Variants in HAUS5 observed in about 807,000 individuals in gnomAD.
HAUS5 encodes HAUS augmin-like complex subunit 5.
In HAUS5, 67 loss-of-function variants were observed where a neutral mutation model predicts 94.1. The observed-to-expected ratio is 0.71, with a 90% CI of 0.58 to 0.87. HAUS5 has a LOEUF of 0.87. Ranked by LOEUF, HAUS5 falls within the 40% of genes least tolerant of loss-of-function variation. HAUS5 has a pLI of 0.00. For synonymous variants in HAUS5, 339 were observed against 355.4 expected (o/e 0.95, Z 0.52); for missense variants, 739 against 825.6 (o/e 0.90, Z 1.29).
In HAUS5 at chr19:35,613,864, G is replaced by A. The variant is rs749489176; in HGVS notation, c.162-4G>A. The A allele has an allele frequency of 5.0e-6, 8 of 1,613,986 alleles. No individual in the cohort carries two copies. In the East Asian group the frequency reaches 1.8e-4, roughly 36 times the overall value. ...TAACTCCTCTTTCTGCCTCTGCACT[G>A]TAGGACTGTCAAGAAGATCCGGGGA... is the stretch of plus-strand genomic sequence containing the variant. On this transcript the variant is annotated splice_region_variant and splice_polypyrimidine_tract_variant and intron_variant, in intron 2 of 18. Transcript: ENST00000203166.
Position 35,622,714 on chromosome 19 carries a change from C to A in HAUS5, c.1765C>A (p.Gln589Lys), listed in dbSNP as rs1421439928. The change falls in exon 18 of 19, where the codon CAG becomes AAG. Residue 589 changes from glutamine (Q) to lysine (K), a missense_variant. Gln to Lys is a moderately conservative substitution (Grantham distance 53). Transcript: ENST00000203166. ...KQALERIPEL[Q>K]GIVGDWWEQP... is the part of the protein sequence containing the mutation. ...GGCACTGGAGCGAATCCCTGAGCTG[C>A]AGGGGATCGTGGGGGACTGGTGAGA... 2 of 1,614,052 alleles carry A rather than the reference C, an allele frequency of 1.2e-6. No homozygotes were observed. The highest frequency in any genetic ancestry group is 1.7e-6 in the Non-Finnish European group (2 of 1,179,986).
chr19:35,621,768 C>T (rs778497210), intron 17 of HAUS5, among the ~76,000 whole-genome samples: 1 of 152,184 alleles, frequency 6.6e-6, no homozygotes, highest in Non-Finnish European at 1.5e-5. Context: ...GTTCTCCCAT[C>T]GGTCCCCTGC....
Position 35,615,066 on chromosome 19 carries a change from G to C in HAUS5, c.244G>C (p.Ala82Pro). Residue 82 changes from alanine (A) to proline (P), a missense_variant, in exon 5 of 19, where the codon GCT becomes CCT. By Grantham distance (27) the Ala-to-Pro change is conservative. Transcript: ENST00000203166. ...GGTCCGTCGGAAGTTAGAGCTGGAAGCTGCTGTGACCCGCCTGCGGGCAGA... is the reference window on the plus strand; with the variant it reads ...GGTCCGTCGGAAGTTAGAGCTGGAACCTGCTGTGACCCGCCTGCGGGCAGA... The part of the protein sequence containing the change: ...PQVRRKLELE[A>P]AVTRLRAEIQ... 1 of 1,601,240 alleles carries C rather than the reference G, an allele frequency of 6.2e-7. No individual in the cohort carries two copies. The highest frequency in any genetic ancestry group is 8.5e-7 in the Non-Finnish European group (1 of 1,173,844).
At position 35,624,901 on chromosome 19, in the gene HAUS5, ATC is replaced by A. The variant is rs146703465; in HGVS notation, c.*1913_*1914del. The A allele has an allele frequency of 0.011, 1,617 of 152,288 alleles. 35 individuals are homozygous for A. Among genetic ancestry groups the A allele is most frequent in the Admixed American group, 0.055 (841 of 15,272 alleles). The allele number at this position is 152,288 out of a possible 1,614,324, so 9.4% of individuals were successfully genotyped here. A position where few individuals can be genotyped will look rare whatever the true frequency, so the allele number is the denominator to read the frequency against. ...TTTATGATCTTGAACCTTGCTGTCC[ATC>A]TCTCACACAACTCCTCTCTTGGCCT... On this transcript the variant is annotated 3_prime_UTR_variant, in exon 19 of 19. Transcript: ENST00000203166.
Position 35,623,206 on chromosome 19 carries a change from C to T in HAUS5, c.*213C>T, listed in dbSNP as rs114627084. 700 of 555,660 alleles carry T rather than the reference C, an allele frequency of 1.3e-3. 7 individuals are homozygous for T. The highest frequency in any genetic ancestry group is 0.012 in the African/African-American group (653 of 52,894). The allele number at this position is 555,660 out of a possible 1,614,324, so 34.4% of individuals were successfully genotyped here. On this transcript the variant is annotated 3_prime_UTR_variant, in exon 19 of 19. Transcript: ENST00000203166. ...AGCACCCCCTAAAACCCCTTCATCACTTTCATTCTCAGCAAAAAGTAATTG... is the reference window on the plus strand; with the variant it reads ...AGCACCCCCTAAAACCCCTTCATCATTTTCATTCTCAGCAAAAAGTAATTG...
In HAUS5 at chr19:35,612,963, C is replaced by A. The variant is rs919630513; in HGVS notation, c.98+71C>A. The A allele has an allele frequency of 2.8e-6, 3 of 1,071,104 alleles. No homozygotes were observed. The South Asian group carries it at 4.9e-5, about 17-fold the overall frequency. 66.4% of individuals were successfully genotyped at this position (1,071,104 alleles called of 1,614,324 possible). On this transcript the variant is annotated intron_variant, in intron 1 of 18. Transcript: ENST00000203166. ...GTCTCCGGGAGTGAGAACTCCACCC[C>A]TCATTGAGGACTCGACTCCCCCCAA...
chr19:35,616,437 C>T (rs895703216), intron 6 of HAUS5, among the ~76,000 whole-genome samples: 4 of 152,096 alleles, frequency 2.6e-5, no homozygotes, highest in East Asian at 1.9e-4. Flanking sequence ...TAGGCATGAT[C>T]GTTAGGTGGA....
In HAUS5 at chr19:35,620,090, G is replaced by T. The variant is rs754066046; in HGVS notation, c.1485G>T (p.Ala495=). ...CCCCAAGGGGCTCCAGCTTCATAGC[G>T]CTGAGCCACAAGCTGGGGCTGCCTC... The part of the protein sequence containing the change: ...PASPRGSSFI[A]LSHKLGLPPG... Residue 495 remains alanine (A), a synonymous_variant, in exon 16 of 19, where the codon GCG becomes GCT. Transcript: ENST00000203166. 1 of 1,613,536 alleles carries T rather than the reference G, an allele frequency of 6.2e-7. No individual in the cohort carries two copies. Among genetic ancestry groups the T allele is most frequent in the Admixed American group, 1.7e-5 (1 of 59,970 alleles).
rs372467241 is a variant in HAUS5, at chr19:35,617,481, GGACTTCCAGGCTGGGAATAGAAGGA to G, written c.638+116_638+140del. ...CTTCTGGGCTACGTTCTGTAGAAGG[GGACTTCCAGGCTGGGAATAGAAGGA>G]GACAGTCTCTCATCACAAACAGTGA... is the stretch of plus-strand genomic sequence containing the variant. On this transcript the variant is annotated intron_variant, in intron 8 of 18. Coordinates refer to ENST00000203166, the MANE Select transcript of HAUS5 (RefSeq NM_015302.2). 1.4e-3 allele frequency: 931 copies of G among 689,244 alleles called. 7 individuals carry two copies. The African/African-American group carries it at 0.016, about 12-fold the overall frequency. 42.7% of individuals were successfully genotyped at this position (689,244 alleles called of 1,614,324 possible).
Position 35,617,132 on chromosome 19 carries a change from A to G in HAUS5, c.494A>G (p.Lys165Arg), listed in dbSNP as rs372251432. The change falls in exon 7 of 19, where the codon AAA becomes AGA. Residue 165 changes from lysine (K) to arginine (R), a missense_variant. Transcript: ENST00000203166. ...RRLQDMERKA[K>R]VDVTFGSLTS... Reference sequence around the variant, plus strand: ...TGCACTTCTCCCTCCAGGAAAGCCAAAGTAGATGTGACCTTTGGATCCCTC... The same window carrying G: ...TGCACTTCTCCCTCCAGGAAAGCCAGAGTAGATGTGACCTTTGGATCCCTC... 12 of 1,613,450 alleles carry G rather than the reference A, an allele frequency of 7.4e-6. No homozygotes were observed. The highest frequency in any genetic ancestry group is 1.0e-5 in the Non-Finnish European group (12 of 1,179,636).
At chr19:35,619,306 T>C in intron 13 of HAUS5, 118 bp from the exon 14 acceptor site, 1 of 827,920 alleles carries the variant, frequency 1.2e-6, no homozygotes, top group South Asian at 1.8e-5. Flanking sequence ...AATTAAGAAC[T>C]GGGCCTCCTA....
In HAUS5 at chr19:35,622,735, TGA is replaced by T. The variant is rs1967230772; in HGVS notation, c.1784+6_1784+7del. On this transcript the variant is annotated splice_donor_region_variant and intron_variant, in intron 18 of 18. Coordinates refer to ENST00000203166, the MANE Select transcript of HAUS5 (RefSeq NM_015302.2). ...GCTGCAGGGGATCGTGGGGGACTGGTGAGAGGGGAACGTGCCGCGGATGGGAA... is the reference window on the plus strand; with the variant it reads ...GCTGCAGGGGATCGTGGGGGACTGGTGAGGGGAACGTGCCGCGGATGGGAA... The T allele has an allele frequency of 6.2e-6, 10 of 1,613,498 alleles. No homozygotes were observed. In the East Asian group the frequency reaches 1.1e-4, roughly 18 times the overall value.
chr19:35,621,975 C>T (rs1967215204), intron 17 of HAUS5, among the ~76,000 whole-genome samples: 1 of 152,290 alleles, frequency 6.6e-6, no homozygotes, highest in African/African-American at 2.4e-5. Context: ...AGGAAAGCAC[C>T]GCTAGGGTGA....
Position 35,613,710 on chromosome 19 carries a change from C to A in HAUS5, c.99-20C>A, listed in dbSNP as rs369043222. On this transcript the variant is annotated intron_variant, in intron 1 of 18. Coordinates refer to ENST00000203166, the MANE Select transcript of HAUS5 (RefSeq NM_015302.2). ...CCCTGTGTGCTGCCCCAGGCATATG[C>A]TTACACACTGTCCCCACAGGCTGTG... 148 of 1,612,116 alleles carry A rather than the reference C, an allele frequency of 9.2e-5. No individual in the cohort carries two copies. In the African/African-American group the frequency reaches 1.8e-3, roughly 20 times the overall value.
In HAUS5 at chr19:35,618,980, G is replaced by A. The variant is rs1310144908; in HGVS notation, c.1110G>A (p.Gly370=). The A allele has an allele frequency of 6.2e-6, 10 of 1,612,964 alleles. No homozygotes were observed. In the East Asian group the frequency reaches 8.9e-5, roughly 14 times the overall value. The change falls in exon 13 of 19, where the codon GGG becomes GGA. Residue 370 remains glycine (G), a synonymous_variant. Coordinates refer to ENST00000203166, the MANE Select transcript of HAUS5 (RefSeq NM_015302.2). The part of the protein sequence containing the change: ...DQSQELQDAA[G]HRQLLLRELQ... ...GCCAGGAGCTGCAGGATGCAGCTGGGCATCGGCAGCTCCTGCTGAGGGAGC... is the reference window on the plus strand; with the variant it reads ...GCCAGGAGCTGCAGGATGCAGCTGGACATCGGCAGCTCCTGCTGAGGGAGC...
rs201227144 is a variant in HAUS5 at position 35,620,099 on chromosome 19, C to T, written c.1494C>T (p.His498=). Residue 498 remains histidine (H), a synonymous_variant, in exon 16 of 19, where the codon CAC becomes CAT. Coordinates refer to ENST00000203166, the MANE Select transcript of HAUS5 (RefSeq NM_015302.2). ...PRGSSFIALS[H]KLGLPPGKAS... is the part of the protein sequence containing the mutation. ...GCTCCAGCTTCATAGCGCTGAGCCA[C>T]AAGCTGGGGCTGCCTCCAGGGAAGG... The T allele has an allele frequency of 7.1e-5, 115 of 1,613,824 alleles. No homozygotes were observed. In the East Asian group the frequency reaches 1.9e-3, roughly 27 times the overall value.
intron 17 of HAUS5, among the ~76,000 whole-genome samples, chr19:35,621,563 C>T (rs1967209877): frequency 1.3e-5 from 2 of 152,172 alleles, no homozygotes; most frequent in South Asian, 4.1e-4. Flanking sequence ...TATCATGGAA[C>T]TCCTGGTTCT....
intron 14 of HAUS5, 29 bp from the exon 15 acceptor site, chr19:35,619,584 G>GCCCCCCCCCA: frequency 6.5e-7 from 1 of 1,533,892 alleles, no homozygotes; most frequent in Non-Finnish European, 8.9e-7. Context: ...ATGTTGTGAT[G>GCCCCCCCCCA]CCCCACCCAC....
intron 13 of HAUS5, 66 bp downstream of exon 13, chr19:35,619,115 CTG>C: frequency 2.7e-6 from 4 of 1,455,660 alleles, no homozygotes; most frequent in Non-Finnish European, 3.7e-6. Flanking sequence ...TGGCTAAGAA[CTG>C]GGCCTGAGCC....
Sources: allele counts gnomAD v4.1 joint callset (sites outside exome capture counted in the v4.1 genomes callset), GRCh38; gene constraint gnomAD v4.1.1; transcripts MANE v1.5; gene names NCBI Gene and HGNC (gene_info 2026-07-23, HGNC 2026-07-21).